The following MAD2L1BP variants were observed in gnomAD, a reference collection of about 807,000 sequenced individuals.
The protein encoded by MAD2L1BP is MAD2L1-binding protein.
Under a neutral mutation model 28.4 loss-of-function variants are expected in MAD2L1BP, and 22 were observed. That is an observed-to-expected ratio of 0.77 (90% CI 0.55 to 1.10). The LOEUF (loss-of-function observed/expected upper bound fraction) is 1.10, where lower values mean the gene tolerates loss of function less well. MAD2L1BP is among the 50% of genes least tolerant of loss of function. The pLI, the probability that MAD2L1BP is intolerant of heterozygous loss-of-function variation, is 0.00. For missense variants in MAD2L1BP, 325 were observed against 350.5 expected, an observed-to-expected ratio of 0.93 and a Z score of 0.58; for synonymous variants, 146 against 133.7, an observed-to-expected ratio of 1.09 and a Z score of -0.63.
At position 43,629,713 on chromosome 6, in the gene MAD2L1BP, G is replaced by A. The variant is rs1275684640; in HGVS notation, c.-37G>A. The A allele has an allele frequency of 2.6e-6, 4 of 1,550,528 alleles. No homozygotes were observed. In the African/African-American group the frequency reaches 4.1e-5, roughly 16 times the overall value. On this transcript the variant is annotated 5_prime_UTR_variant, in exon 1 of 4. Coordinates refer to the MAD2L1BP transcript ENST00000451025. ...AGAACTGAGGCTACTGGTGCCGCCA[G>A]CCTGCTGGCTCCGCCTCTGCCTCAG...
chr6:43,637,805 G>T (rs1316504526), intron 2 of MAD2L1BP, among the ~76,000 whole-genome samples: 1 of 151,346 alleles, frequency 6.6e-6, no homozygotes, highest in Non-Finnish European at 1.5e-5. Flanking sequence ...CACCATGTTG[G>T]CCAGGCTGGT....
At chr6:43,633,294 TC>T, upstream of MAD2L1BP, 1 of 378,354 alleles carries the variant, frequency 2.6e-6, no homozygotes, top group Non-Finnish European at 5.1e-6. Context: ...TGCCTCAGCC[TC>T]CCAAGTAGCT....
chr6:43,640,151 C>G lies in MAD2L1BP; in HGVS notation c.443C>G (p.Pro148Arg). 6.2e-7 allele frequency: 1 copy of G among 1,612,944 alleles called. No homozygotes were observed. Among genetic ancestry groups the G allele is most frequent in the Non-Finnish European group, 8.5e-7 (1 of 1,179,266 alleles). The change falls in exon 3 of 3, where the codon CCG becomes CGG. Residue 148 changes from proline to arginine, a missense_variant. Physicochemically the swap from Pro to Arg is moderately radical, Grantham distance 103. Coordinates refer to ENST00000372171, the MANE Select transcript of MAD2L1BP (RefSeq NM_014628.3). ...GACTTCTTTGCACGGACACTAGTAC[C>G]GCGAGTGCTGATTCTCCTTGGGGGC... ...LEDFFARTLV[P>R]RVLILLGGNA...
At chr6:43,634,469 C>T (rs1193131672), upstream of MAD2L1BP, among the ~76,000 whole-genome samples, 1 of 152,114 alleles carries the variant, frequency 6.6e-6, no homozygotes, top group East Asian at 1.9e-4. Context: ...CCTCGGCACC[C>T]TGCTTCCCTC....
chr6:43,640,187 GC>G lies in MAD2L1BP; in HGVS notation c.483del (p.Lys162ArgfsTer20). 1 of 1,613,836 alleles carries G rather than the reference GC, an allele frequency of 6.2e-7. No homozygotes were observed. The highest frequency in any genetic ancestry group is 8.5e-7 in the Non-Finnish European group (1 of 1,179,870). Reference protein sequence around the residue: ...VLILLGGNALSPKEFYELDLS... With the variant: ...VLILLGGNALXPKEFYELDLS... ...ATTCTCCTTGGGGGCAATGCCCTAAGCCCCAAGGAGTTCTATGAACTCGACT... is the reference window on the plus strand; with the variant it reads ...ATTCTCCTTGGGGGCAATGCCCTAAGCCCAAGGAGTTCTATGAACTCGACT... On this transcript the variant is annotated frameshift_variant, in exon 3 of 3. Coordinates refer to ENST00000372171, the MANE Select transcript of MAD2L1BP (RefSeq NM_014628.3). LOFTEE classifies it high-confidence loss of function.
Position 43,636,364 on chromosome 6 carries a change from C to T in MAD2L1BP, c.47-17C>T. On this transcript the variant is annotated splice_polypyrimidine_tract_variant and intron_variant, in intron 1 of 2. Transcript: ENST00000372171. ...GGTTTTTAATTTTTCTCTCTTGTCC[C>T]TCTTTTCATCTACCAGATTTGGAGT... 6.2e-7 allele frequency: 1 copy of T among 1,612,680 alleles called. No homozygotes were observed.
chr6:43,639,353 A>G (rs1168554070), intron 2 of MAD2L1BP, among the ~76,000 whole-genome samples: 4 of 152,034 alleles, frequency 2.6e-5, no homozygotes, highest in African/African-American at 9.7e-5. Context: ...GTTAGCCAGG[A>G]TGGTCTTGAT....
chr6:43,635,861 G>T lies in MAD2L1BP; in HGVS notation c.-15G>T, dbSNP rs1398998663. The T allele has an allele frequency of 6.8e-7, 1 of 1,476,384 alleles. No individual in the cohort carries two copies. The highest frequency in any genetic ancestry group is 8.9e-7 in the Non-Finnish European group (1 of 1,120,152). The allele number at this position is 1,476,384 out of a possible 1,614,324, so 91.5% of individuals were successfully genotyped here. A position where few individuals can be genotyped will look rare whatever the true frequency, so the allele number is the denominator to read the frequency against. ...CTTTATTCTAACCGCAAGGAGTAGC[G>T]GAGGGGAGGTCGTGATGGCGGCGCC... On this transcript the variant is annotated 5_prime_UTR_variant, in exon 1 of 3. Transcript: ENST00000372171.
intron 1 of MAD2L1BP, 98 bp from the exon 2 acceptor site, chr6:43,636,283 T>C (rs2127861204): frequency 7.6e-7 from 1 of 1,315,166 alleles, no homozygotes; most frequent in Middle Eastern, 2.4e-4. Context: ...AGTGCCTGCT[T>C]TTTCAGGGTG....
chr6:43,632,258 C>CTTT (rs1197422575), upstream of MAD2L1BP, among the ~76,000 whole-genome samples: 6 of 108,846 alleles, frequency 5.5e-5, no homozygotes, highest in African/African-American at 7.5e-5. Context: ...GATTGATTGA[C>CTTT]TTTTTTTTTT....
At chr6:43,629,554 C>G in exon 1 of MAD2L1BP, 5 of 656,606 alleles carry the variant, frequency 7.6e-6, no homozygotes, top group Non-Finnish European at 1.4e-5. Context: ...GAATTTAGAG[C>G]CTCGAGGCCT....
At chr6:43,630,424 G>A (rs889925955) in intron 1 of MAD2L1BP, among the ~76,000 whole-genome samples, 2 of 152,074 alleles carry the variant, frequency 1.3e-5, no homozygotes, top group African/African-American at 4.8e-5. Context: ...CGAACTGCGA[G>A]GTGCTCATAC....
intron 2 of MAD2L1BP, among the ~76,000 whole-genome samples, chr6:43,638,980 C>A (rs376400257): frequency 2.6e-4 from 39 of 152,154 alleles, no homozygotes; most frequent in Admixed American, 1.0e-3. Context: ...CACAGATTTT[C>A]ATTCATTTCC....
intron 2 of MAD2L1BP, among the ~76,000 whole-genome samples, chr6:43,638,448 G>A (rs961832297): frequency 6.6e-6 from 1 of 151,978 alleles, no homozygotes; most frequent in African/African-American, 2.4e-5. Flanking sequence ...CATTTGTTTT[G>A]TTCTGGACTT....
upstream of MAD2L1BP, among the ~76,000 whole-genome samples, chr6:43,635,569 T>C (rs1273553302): frequency 6.6e-6 from 1 of 152,206 alleles, no homozygotes; most frequent in Non-Finnish European, 1.5e-5. Flanking sequence ...TGGCACGAAG[T>C]AGGTGCACAG....
chr6:43,639,170 C>T lies in MAD2L1BP; in HGVS notation c.313-851C>T, dbSNP rs373879256. On this transcript the variant is annotated intron_variant, in intron 2 of 2. Transcript: ENST00000372171. ...TTTTTTTTTTTTTGAGACAGAGTCT[C>T]GCTCTGTCACCCAGGCTAGAGTGCA... Among the ~76,000 whole-genome samples the T allele has an allele frequency of 6.0e-5, 9 of 151,106 alleles. No homozygotes were observed. The East Asian group carries it at 1.2e-3, about 20-fold the overall frequency.
At chr6:43,636,266 A>T in intron 1 of MAD2L1BP, 115 bp from the exon 2 acceptor site, 1 of 989,656 alleles carries the variant, frequency 1.0e-6, no homozygotes, top group Non-Finnish European at 1.5e-6. Flanking sequence ...ATATGGGCGT[A>T]TGTCGGAGTG....
exon 1 of MAD2L1BP, chr6:43,629,751 T>C (rs1769778201): frequency 6.4e-7 from 1 of 1,555,814 alleles, no homozygotes; most frequent in Non-Finnish European, 8.7e-7. Context: ...TCTTCCCCTA[T>C]GGCCCGCGTG....
upstream of MAD2L1BP, among the ~76,000 whole-genome samples, chr6:43,634,212 CT>C (rs1242463650): frequency 6.1e-5 from 8 of 131,916 alleles, no homozygotes; most frequent in East Asian, 1.1e-3. Flanking sequence ...TTTTTTTTTT[CT>C]TTTTTTCTTT....
Sources: allele counts gnomAD v4.1 joint callset (sites outside exome capture counted in the v4.1 genomes callset), GRCh38; gene constraint gnomAD v4.1.1; transcripts MANE v1.5; gene names NCBI Gene and HGNC (gene_info 2026-07-23, HGNC 2026-07-21).